The following CYLD variants were observed in gnomAD, a reference collection of about 807,000 sequenced individuals.
CYLD encodes ubiquitin carboxyl-terminal hydrolase CYLD.
In CYLD, 26 loss-of-function variants were observed where a neutral mutation model predicts 104.5. That is an observed-to-expected ratio of 0.25 (90% CI 0.18 to 0.35). CYLD has a LOEUF of 0.35. CYLD is among the 10% of genes least tolerant of loss of function. CYLD has a pLI of 1.00. For synonymous variants in CYLD, 385 were observed against 399.9 expected (o/e 0.96, Z 0.45); for missense variants, 703 against 1,136.1 (o/e 0.62, Z 5.48).
intron 5 of CYLD, among the ~76,000 whole-genome samples, chr16:50,759,946 A>G (rs1967714011): frequency 6.6e-6 from 1 of 152,208 alleles, no homozygotes; most frequent in South Asian, 2.1e-4. Context: ...TAGTTTTAGA[A>G]TTTTAATAAA....
intron 14 of CYLD, among the ~76,000 whole-genome samples, chr16:50,788,648 G>A (rs1971091047): frequency 6.6e-6 from 1 of 152,126 alleles, no homozygotes; most frequent in Non-Finnish European, 1.5e-5. Flanking sequence ...TAACCATCAA[G>A]AGTTCATATT....
intron 6 of CYLD, among the ~76,000 whole-genome samples, chr16:50,775,551 A>G (rs1969590239): frequency 6.6e-6 from 1 of 152,226 alleles, no homozygotes; most frequent in African/African-American, 2.4e-5. Context: ...CTTAACCAGA[A>G]CTTTCTTTCC....
At chr16:50,755,058 T>C (rs867376254) in intron 5 of CYLD, among the ~76,000 whole-genome samples, 2 of 81,492 alleles carry the variant, frequency 2.5e-5, no homozygotes, top group African/African-American at 1.3e-4. Flanking sequence ...TATGTATATA[T>C]ACATATAGAT....
intron 14 of CYLD, among the ~76,000 whole-genome samples, chr16:50,788,295 C>T (rs2093928387): frequency 6.6e-6 from 1 of 152,160 alleles, no homozygotes; most frequent in African/African-American, 2.4e-5. Flanking sequence ...CCCCTCCCCA[C>T]CCACCATGTT....
In CYLD at chr16:50,797,630, A is replaced by G. The variant is rs114552144; in HGVS notation, c.*1122A>G. ...ACAGCGGATGTTGTAGACCAGGACC[A>G]TAGATGATACATGTCAGTGCTGTGG... On this transcript the variant is annotated 3_prime_UTR_variant, in exon 19 of 19. Coordinates refer to ENST00000427738, the MANE Select transcript of CYLD (RefSeq NM_001378743.1). The G allele has an allele frequency of 4.7e-3, 1,102 of 233,008 alleles. 7 individuals are homozygous for G. Among genetic ancestry groups the G allele is most frequent in the African/African-American group, 0.022 (996 of 45,448 alleles). The allele number at this position is 233,008 out of a possible 1,614,324, so 14.4% of individuals were successfully genotyped here.
intron 2 of CYLD, among the ~76,000 whole-genome samples, chr16:50,749,023 G>A (rs777021808): frequency 1.2e-4 from 18 of 152,298 alleles, no homozygotes; most frequent in Admixed American, 2.0e-4. Flanking sequence ...GCAACATAGT[G>A]AGACCCTGTC....
At chr16:50,793,796 T>C in intron 17 of CYLD, 132 bp downstream of exon 17, 1 of 725,350 alleles carries the variant, frequency 1.4e-6, no homozygotes. Context: ...TAAAATGGTA[T>C]TGCTTTTGCC....
chr16:50,756,952 T>G (rs1967314525), intron 5 of CYLD, among the ~76,000 whole-genome samples: 1 of 152,196 alleles, frequency 6.6e-6, no homozygotes, highest in Non-Finnish European at 1.5e-5. Context: ...TCTGTATATT[T>G]AGGATGTGAA....
At chr16:50,778,095 G>C in intron 8 of CYLD, 154 bp downstream of exon 8, 1 of 611,428 alleles carries the variant, frequency 1.6e-6, no homozygotes, top group Non-Finnish European at 2.9e-6. Flanking sequence ...TACACAGTTT[G>C]AACCGTACTG....
intron 4 of CYLD, among the ~76,000 whole-genome samples, chr16:50,753,903 A>C (rs191211912): frequency 9.8e-4 from 149 of 152,352 alleles, no homozygotes; most frequent in Non-Finnish European, 1.8e-3. Context: ...AGGGAATATG[A>C]AGAACTTAGG....
chr16:50,773,191 T>C (rs1293930206), intron 5 of CYLD, among the ~76,000 whole-genome samples: 2 of 152,226 alleles, frequency 1.3e-5, no homozygotes, highest in African/African-American at 4.8e-5. Flanking sequence ...ATTTACTGGG[T>C]CATTCAAATT....
At chr16:50,789,758 G>A (rs1971244488) in intron 14 of CYLD, among the ~76,000 whole-genome samples, 1 of 151,940 alleles carries the variant, frequency 6.6e-6, no homozygotes, top group South Asian at 2.1e-4. Context: ...TAATTAAATA[G>A]TCTAAAAGAG....
intron 11 of CYLD, among the ~76,000 whole-genome samples, chr16:50,783,258 C>T (rs967315182): frequency 3.9e-5 from 6 of 151,982 alleles, no homozygotes; most frequent in South Asian, 4.2e-4. Flanking sequence ...TCTTTAAGCT[C>T]TGGAAATTGA....
chr16:50,785,408 CACTT>C (rs1970708367), intron 12 of CYLD: 1 of 152,134 alleles, frequency 6.6e-6, no homozygotes, highest in Non-Finnish European at 1.5e-5. Flanking sequence ...TAAATTTCCT[CACTT>C]ATATCTTTTG....
intron 15 of CYLD, among the ~76,000 whole-genome samples, chr16:50,792,227 T>C (rs1971503523): frequency 6.6e-6 from 1 of 152,252 alleles, no homozygotes; most frequent in Admixed American, 6.5e-5. Context: ...CAGTTATTTA[T>C]TTGTTGAAAT....
rs941168751 is a variant in CYLD at position 50,762,071 on chromosome 16, G to A, written c.913+7647G>A. Among the ~76,000 whole-genome samples the A allele has an allele frequency of 2.0e-5, 3 of 152,052 alleles. No individual in the cohort carries two copies. The South Asian group carries it at 6.2e-4, about 32-fold the overall frequency. On this transcript the variant is annotated intron_variant, in intron 5 of 18. Transcript: ENST00000427738. ...ACAAGTGTAATTGTGCTACACTACT[G>A]TATTGCATTGTGGTGAGGTCAGGGC...
intron 13 of CYLD, chr16:50,787,366 TC>T (rs1970954307): frequency 3.7e-6 from 1 of 273,480 alleles, no homozygotes; most frequent in Non-Finnish European, 7.0e-6. Flanking sequence ...TATAATCTCT[TC>T]CTAGCTAATG....
chr16:50,745,901 A>C (rs1312326401), intron 2 of CYLD, among the ~76,000 whole-genome samples: 3 of 152,194 alleles, frequency 2.0e-5, no homozygotes, highest in Admixed American at 2.0e-4. Flanking sequence ...TTTAACTACT[A>C]TGCACATCCC....
intron 5 of CYLD, among the ~76,000 whole-genome samples, chr16:50,765,763 G>A (rs1968438005): frequency 6.6e-6 from 1 of 152,190 alleles, no homozygotes; most frequent in African/African-American, 2.4e-5. Context: ...ATGGAGAAAG[G>A]TTTAGTTATC....
Sources: gnomAD v4.1 joint callset for allele counts (sites outside exome capture counted in the v4.1 genomes callset) on GRCh38, gnomAD v4.1.1 for gene constraint, MANE v1.5 for transcripts, NCBI Gene and HGNC (gene_info 2026-07-23, HGNC 2026-07-21) for gene names.